Variants in ODF2L observed in about 807,000 individuals in gnomAD.
ODF2L encodes outer dense fiber of sperm tails 2 like.
In ODF2L, 76 loss-of-function variants were observed where a neutral mutation model predicts 86.3. That is an observed-to-expected ratio of 0.88 (90% CI 0.73 to 1.07). The LOEUF is 1.07. Among genes scored for constraint, ODF2L ranks in the 50% least tolerant of loss-of-function variants. The pLI is 0.00. For synonymous variants in ODF2L, 241 were observed against 231.3 expected (o/e 1.04, Z -0.38); for missense variants, 748 against 717.4 (o/e 1.04, Z -0.49).
chr1:86,349,115 AATT>A (rs1241792880), downstream of ODF2L: 19 of 233,884 alleles, frequency 8.1e-5, no homozygotes, highest in South Asian at 5.8e-4. Context: ...TTTAGCCCCA[AATT>A]ATTACATATT....
Position 86,384,869 on chromosome 1 carries a change from T to C in ODF2L, c.247-68A>G. On this transcript the variant is annotated intron_variant, in intron 3 of 17. Transcript: ENST00000317336. Reference sequence around the variant, plus strand: ...ATTAAATAAAACCCTCTAAAATATATTATCAAACAATATTTTTTCCTACTA... The same window carrying C: ...ATTAAATAAAACCCTCTAAAATATACTATCAAACAATATTTTTTCCTACTA... The C allele has an allele frequency of 3.3e-6, 4 of 1,204,106 alleles. No individual in the cohort carries two copies. The South Asian group carries it at 6.4e-5, about 19-fold the overall frequency. The allele number at this position is 1,204,106 out of a possible 1,614,324, so 74.6% of individuals were successfully genotyped here.
At chr1:86,351,137 T>C (rs889950577) in exon 18 of ODF2L, 2 of 152,222 alleles carry the variant, frequency 1.3e-5, no homozygotes, top group Non-Finnish European at 2.9e-5. Flanking sequence ...TTGCCATTAC[T>C]TTTGGTGTTT....
At chr1:86,366,970 T>C (rs1444737100) in intron 11 of ODF2L, among the ~76,000 whole-genome samples, 7 of 152,092 alleles carry the variant, frequency 4.6e-5, no homozygotes, top group East Asian at 1.9e-4. Context: ...CATGAGTCTT[T>C]GGATTTACAA....
chr1:86,355,646 C>G (rs1474382019), intron 14 of ODF2L, among the ~76,000 whole-genome samples: 1 of 152,056 alleles, frequency 6.6e-6, no homozygotes, highest in African/African-American at 2.4e-5. Flanking sequence ...AAGCCTAGTA[C>G]CTGTTAGTTA....
Position 86,377,395 on chromosome 1 carries a change from T to G in ODF2L, c.625-977A>C, listed in dbSNP as rs542387016. Among the ~76,000 whole-genome samples, 4 of 152,268 alleles carry G rather than the reference T, an allele frequency of 2.6e-5. No homozygotes were observed. In the South Asian group the frequency reaches 8.3e-4, roughly 32 times the overall value. ...GCACATGGTGCAAGCTGTCAATGCA[T>G]CTACCATTCTGGGGTCTGGAGGACT... On this transcript the variant is annotated intron_variant, in intron 7 of 17. Transcript: ENST00000317336.
At chr1:86,346,842 G>T (rs1375312639), downstream of ODF2L, 1 of 152,088 alleles carries the variant, frequency 6.6e-6, no homozygotes, top group Non-Finnish European at 1.5e-5. Context: ...ATGCATTACT[G>T]TTATAAGAAA....
chr1:86,372,187 C>CA (rs5775905), intron 9 of ODF2L, among the ~76,000 whole-genome samples: 42,242 of 116,072 alleles, frequency 0.36, 6,586 homozygotes, highest in East Asian at 0.45. Flanking sequence ...GACTCCATCT[C>CA]AAAAAAAAAA....
At chr1:86,385,541 T>G (rs1483421784) in exon 3 of ODF2L, 1 of 1,609,062 alleles carries the variant, frequency 6.2e-7, no homozygotes, top group South Asian at 1.1e-5. Context: ...TCCGCTTCCT[T>G]AAGTGTTGCT....
At chr1:86,387,625 G>C (rs769030970) in intron 1 of ODF2L, among the ~76,000 whole-genome samples, 75 of 152,120 alleles carry the variant, frequency 4.9e-4, no homozygotes, top group Non-Finnish European at 9.6e-4. Context: ...ATAGTGAAAA[G>C]ACCAGACAGA....
intron 6 of ODF2L, 144 bp downstream of exon 6, chr1:86,382,787 T>C: frequency 1.6e-6 from 1 of 610,538 alleles, no homozygotes. Flanking sequence ...ATTTGATAGG[T>C]AAAACCTGTA....
chr1:86,362,867 C>T (rs1435414315), intron 11 of ODF2L, among the ~76,000 whole-genome samples: 1 of 152,114 alleles, frequency 6.6e-6, no homozygotes, highest in Non-Finnish European at 1.5e-5. Flanking sequence ...ACCATGTTGA[C>T]CAGGCTGGTC....
At chr1:86,383,164 T>G in exon 5 of ODF2L, 1 of 1,580,888 alleles carries the variant, frequency 6.3e-7, no homozygotes, top group Non-Finnish European at 8.6e-7. Flanking sequence ...CAGTTAGATT[T>G]TCTAGCAACA....
exon 14 of ODF2L, chr1:86,356,471 T>C (rs1275352322): frequency 6.2e-7 from 1 of 1,613,338 alleles, no homozygotes; most frequent in East Asian, 2.2e-5. Context: ...TAATGGTGTG[T>C]TCCTGGTCTG....
chr1:86,376,496 A>G (rs937650145), intron 7 of ODF2L, 78 bp from the exon 8 acceptor site: 7 of 873,656 alleles, frequency 8.0e-6, no homozygotes, highest in Admixed American at 5.2e-5. Flanking sequence ...TATGTACATA[A>G]CTGATATGGT....
At chr1:86,379,638 C>T (rs557080374) in intron 7 of ODF2L, among the ~76,000 whole-genome samples, 10 of 152,186 alleles carry the variant, frequency 6.6e-5, no homozygotes, top group East Asian at 1.9e-4. Context: ...AGGCTATAGA[C>T]GAGATAAACA....
chr1:86,355,463 C>A, intron 14 of ODF2L: 2 of 756,330 alleles, frequency 2.6e-6, no homozygotes, highest in Admixed American at 2.4e-5. Flanking sequence ...TTAGGCTAAT[C>A]TATGTCGTTT....
At position 86,376,394 on chromosome 1, in the gene ODF2L, A is replaced by G. The variant is rs753174658; in HGVS notation, c.649T>C (p.Trp217Arg). The change falls in exon 8 of 18, where the codon TGG becomes CGG. Residue 217 changes from tryptophan to arginine, a missense_variant. Coordinates refer to ENST00000317336, the Ensembl canonical transcript of ODF2L. ...TTATTCATTCTTGATTGCAGGTTCC[A>G]CTTGGCTATCTTGGTTTCTAAGCTC... is the stretch of plus-strand genomic sequence containing the variant. 3.1e-6 allele frequency: 5 copies of G among 1,598,060 alleles called. No individual in the cohort carries two copies. In the South Asian group the frequency reaches 5.7e-5, roughly 18 times the overall value.
At chr1:86,383,902 CAAAG>C (rs977076493) in intron 4 of ODF2L, among the ~76,000 whole-genome samples, 37 of 151,724 alleles carry the variant, frequency 2.4e-4, no homozygotes, top group African/African-American at 8.2e-4. Context: ...AGTTACAAAA[CAAAG>C]ATAGTAGTTT....
intron 7 of ODF2L, among the ~76,000 whole-genome samples, chr1:86,380,339 T>C (rs191229945): frequency 2.6e-5 from 4 of 152,218 alleles, no homozygotes; most frequent in Admixed American, 1.3e-4. Context: ...TCTTAAATTG[T>C]TTTTAAAAAA....
Sources: gnomAD v4.1 joint callset for allele counts (sites outside exome capture counted in the v4.1 genomes callset) on GRCh38, gnomAD v4.1.1 for gene constraint, MANE v1.5 for transcripts, NCBI Gene and HGNC (gene_info 2026-07-23, HGNC 2026-07-21) for gene names.